NPM1: variants seen among roughly 807,000 people sequenced by gnomAD.
NPM1 encodes nucleophosmin.
NPM1 carries 1 observed loss-of-function variant against 44.1 expected under a neutral mutation model. That is an observed-to-expected ratio of 0.02 (90% CI 0.01 to 0.11). NPM1 has a LOEUF of 0.11. NPM1 is among the 10% of genes least tolerant of loss of function. The pLI is 1.00. For synonymous variants in NPM1, 126 were observed against 111.8 expected, an observed-to-expected ratio of 1.13 and a Z score of -0.80; for missense variants, 197 against 347.8, an observed-to-expected ratio of 0.57 and a Z score of 3.45.
chr5:171,406,854 C>A (rs73803328), intron 9 of NPM1: 46,154 of 293,058 alleles, frequency 0.16, 4,007 homozygotes, highest in Middle Eastern at 0.22. Flanking sequence ...CATTTGAAAA[C>A]CTTTTCAATC....
chr5:171,387,812 C>T, upstream of NPM1: 1 of 788,958 alleles, frequency 1.3e-6, no homozygotes, highest in Non-Finnish European at 2.1e-6. Context: ...CTCGCGAGAT[C>T]TTCAGGGTCT....
At chr5:171,390,724 C>T (rs1004930067) in intron 2 of NPM1, among the ~76,000 whole-genome samples, 1 of 118,542 alleles carries the variant, frequency 8.4e-6, no homozygotes. Context: ...ATATACCTTT[C>T]CTGTTTTTTT....
intron 3 of NPM1, 73 bp from the exon 4 acceptor site, chr5:171,391,633 T>G: frequency 8.4e-7 from 1 of 1,194,264 alleles, no homozygotes; most frequent in Non-Finnish European, 1.2e-6. Flanking sequence ...TTGATTTGGC[T>G]TATGTGTTTG....
chr5:171,400,122 A>G, intron 6 of NPM1, 31 bp from the exon 7 acceptor site: 1 of 1,327,790 alleles, frequency 7.5e-7, no homozygotes. Context: ...AAATTTTGAA[A>G]GTGCTTAATG....
chr5:171,405,800 G>GGT, intron 9 of NPM1: 3 of 219,844 alleles, frequency 1.4e-5, no homozygotes, highest in Non-Finnish European at 1.8e-5. Flanking sequence ...GCTGTTGCTT[G>GGT]GTATTATAGT....
In NPM1 at chr5:171,400,139, C is replaced by A; in HGVS notation, c.525-14C>A. The A allele has an allele frequency of 4.8e-6, 7 of 1,454,772 alleles. No homozygotes were observed. The highest frequency in any genetic ancestry group is 2.3e-5 in the East Asian group (1 of 43,476). 90.1% of individuals were successfully genotyped at this position (1,454,772 alleles called of 1,614,324 possible). On this transcript the variant is annotated splice_polypyrimidine_tract_variant and intron_variant, in intron 6 of 10. Coordinates refer to ENST00000296930, the MANE Select transcript of NPM1 (RefSeq NM_002520.7). ...ATTTTGAAAGTGCTTAATGTCTTGA[C>A]ATTTCATTTGTAGTGATGATGATGA... is the stretch of plus-strand genomic sequence containing the variant.
intron 9 of NPM1, chr5:171,407,084 G>C (rs573318059): frequency 1.3e-5 from 2 of 152,846 alleles, no homozygotes; most frequent in South Asian, 4.1e-4. Context: ...AATGGTGAGA[G>C]TGATTAGAGA....
intron 1 of NPM1, among the ~76,000 whole-genome samples, chr5:171,389,547 C>A (rs1770462928): frequency 6.6e-6 from 1 of 152,174 alleles, no homozygotes; most frequent in African/African-American, 2.4e-5. Context: ...GCGTATGTCA[C>A]TTTCTGTTGC....
At chr5:171,408,749 G>T (rs527512240) in intron 10 of NPM1, among the ~76,000 whole-genome samples, 7 of 152,174 alleles carry the variant, frequency 4.6e-5, no homozygotes, top group Admixed American at 1.3e-4. Context: ...AAATTATTTT[G>T]AAACTCCGCG....
chr5:171,391,223 A>C, intron 2 of NPM1, 82 bp from the exon 3 acceptor site: 1 of 1,486,312 alleles, frequency 6.7e-7, no homozygotes, highest in South Asian at 1.3e-5. Flanking sequence ...TAAGTGACGC[A>C]TGGCTGCATA....
intron 6 of NPM1, among the ~76,000 whole-genome samples, chr5:171,393,345 A>C (rs1770693721): frequency 1.3e-5 from 2 of 152,210 alleles, no homozygotes; most frequent in Non-Finnish European, 2.9e-5. Context: ...AGAAAATATG[A>C]TTAAATAGCT....
At chr5:171,407,546 G>T (rs1771637247) in intron 9 of NPM1, 154 bp from the exon 10 acceptor site, 1 of 640,594 alleles carries the variant, frequency 1.6e-6, no homozygotes. Context: ...GGGCTTTCTG[G>T]CCCTGAAAAA....
chr5:171,409,607 A>G (rs1426173599), intron 10 of NPM1, among the ~76,000 whole-genome samples: 1 of 152,156 alleles, frequency 6.6e-6, no homozygotes, highest in Non-Finnish European at 1.5e-5. Context: ...GTACCTGAGA[A>G]CCCATTGGCT....
At chr5:171,405,257 T>C in intron 8 of NPM1, 45 bp from the exon 9 acceptor site, 1 of 911,212 alleles carries the variant, frequency 1.1e-6, no homozygotes, top group Non-Finnish European at 1.7e-6. Context: ...TAATTAGGAA[T>C]TGTATTTATT....
intron 1 of NPM1, among the ~76,000 whole-genome samples, chr5:171,388,360 A>T (rs1770378713): frequency 6.6e-6 from 1 of 152,032 alleles, no homozygotes; most frequent in Non-Finnish European, 1.5e-5. Context: ...GGTGGTTCAT[A>T]GGCTTCTGAT....
chr5:171,403,646 C>T (rs1771368793), intron 8 of NPM1, among the ~76,000 whole-genome samples: 1 of 135,576 alleles, frequency 7.4e-6, no homozygotes, highest in African/African-American at 2.7e-5. Context: ...GCTGACCCCC[C>T]CCACCTCCCT....
upstream of NPM1, chr5:171,387,732 C>T: frequency 3.4e-6 from 2 of 588,162 alleles, no homozygotes; most frequent in East Asian, 5.8e-5. Flanking sequence ...AAAGCGCTTG[C>T]GCAGGACGGC....
At chr5:171,409,933 T>A (rs765981349) in intron 10 of NPM1, among the ~76,000 whole-genome samples, 1 of 152,144 alleles carries the variant, frequency 6.6e-6, no homozygotes, top group Non-Finnish European at 1.5e-5. Context: ...TAGCTGGGCC[T>A]CCTGTAGTTG....
At chr5:171,395,037 G>C (rs1770809684) in intron 6 of NPM1, among the ~76,000 whole-genome samples, 2 of 152,014 alleles carry the variant, frequency 1.3e-5, no homozygotes, top group Non-Finnish European at 2.9e-5. Flanking sequence ...AAATTAGCTG[G>C]GTATCGTGGT....
Sources: allele counts gnomAD v4.1 joint callset (sites outside exome capture counted in the v4.1 genomes callset), GRCh38; gene constraint gnomAD v4.1.1; transcripts MANE v1.5; gene names NCBI Gene and HGNC (gene_info 2026-07-23, HGNC 2026-07-21).